The following HSPA12A variants were observed in gnomAD, a reference collection of about 807,000 sequenced individuals.
The protein encoded by HSPA12A is heat shock protein family A (Hsp70) member 12A.
HSPA12A carries 28 observed loss-of-function variants against 69.2 expected under a neutral mutation model. The ratio of observed to expected loss-of-function variants is 0.40; its 90% CI spans 0.30 to 0.55. The LOEUF is 0.55. Among genes scored for constraint, HSPA12A ranks in the 20% least tolerant of loss-of-function variants. The pLI is 0.38. For missense variants in HSPA12A, 686 were observed against 900.7 expected, an observed-to-expected ratio of 0.76 and a Z score of 3.05; for synonymous variants, 345 against 370.5, an observed-to-expected ratio of 0.93 and a Z score of 0.79.
chr10:116,824,452 T>C (rs1485338759), intron 2 of HSPA12A, among the ~76,000 whole-genome samples: 1 of 152,200 alleles, frequency 6.6e-6, no homozygotes, highest in African/African-American at 2.4e-5. Context: ...AACTGGTCCA[T>C]ATCAACATTA....
chr10:116,795,981 C>T (rs1844814723), intron 2 of HSPA12A, among the ~76,000 whole-genome samples: 1 of 149,242 alleles, frequency 6.7e-6, no homozygotes. Context: ...CTCGCCTCTA[C>T]TAAAAATACA....
intron 1 of HSPA12A, among the ~76,000 whole-genome samples, chr10:116,739,866 C>T (rs1291527508): frequency 1.3e-5 from 2 of 152,162 alleles, no homozygotes; most frequent in Non-Finnish European, 2.9e-5. Flanking sequence ...CATTGGCACG[C>T]ACCTCTGCCC....
upstream of HSPA12A, among the ~76,000 whole-genome samples, chr10:116,746,126 T>C (rs116516985): frequency 4.9e-4 from 74 of 152,164 alleles, no homozygotes; most frequent in African/African-American, 1.7e-3. Context: ...TCTCATCCTC[T>C]CCGGGATCCC....
intron 1 of HSPA12A, among the ~76,000 whole-genome samples, chr10:116,845,505 C>T (rs1025360250): frequency 1.3e-5 from 2 of 152,132 alleles, no homozygotes; most frequent in South Asian, 2.1e-4. Context: ...ATGACTAGAT[C>T]CTCTCTCTAA....
At chr10:116,800,376 G>T (rs1294073410) in intron 2 of HSPA12A, among the ~76,000 whole-genome samples, 1 of 152,186 alleles carries the variant, frequency 6.6e-6, no homozygotes, top group African/African-American at 2.4e-5. Flanking sequence ...GTGCCAGCAA[G>T]TCACAGGTGC....
chr10:116,848,501 A>G (rs1469145484), intron 1 of HSPA12A, among the ~76,000 whole-genome samples: 1 of 151,646 alleles, frequency 6.6e-6, no homozygotes, highest in Non-Finnish European at 1.5e-5. Context: ...CAGAGGGGGG[A>G]AAGTGTGGCA....
Position 116,792,378 on chromosome 10 carries a change from A to C in HSPA12A, c.91+42557T>G, listed in dbSNP as rs549602119. ...TCTAGAAGGAAATGAAAGTAGATGA[A>C]GCAGAGGTAATATAAGAAGATATAT... On this transcript the variant is annotated intron_variant, in intron 2 of 12. Coordinates refer to the HSPA12A transcript ENST00000635765. Among the ~76,000 whole-genome samples, 6 of 152,070 alleles carry C rather than the reference A, an allele frequency of 3.9e-5. No individual in the cohort carries two copies. In the South Asian group the frequency reaches 1.2e-3, roughly 32 times the overall value.
intron 1 of HSPA12A, among the ~76,000 whole-genome samples, chr10:116,740,906 C>T (rs868966660): frequency 1.4e-5 from 2 of 145,406 alleles, no homozygotes; most frequent in African/African-American, 5.2e-5. Context: ...AGCAATTCAA[C>T]GCCCCTACTT....
intron 1 of HSPA12A, among the ~76,000 whole-genome samples, chr10:116,737,557 A>T (rs1398577694): frequency 6.6e-6 from 1 of 152,240 alleles, no homozygotes; most frequent in Non-Finnish European, 1.5e-5. Context: ...TGAGATACTT[A>T]GAAGGTGAAA....
intron 1 of HSPA12A, among the ~76,000 whole-genome samples, chr10:116,842,838 C>T (rs1372772700): frequency 6.6e-6 from 1 of 152,174 alleles, no homozygotes; most frequent in Non-Finnish European, 1.5e-5. Flanking sequence ...CCCGATCCAC[C>T]TGCCTCAGCC....
intron 2 of HSPA12A, among the ~76,000 whole-genome samples, chr10:116,822,933 G>A (rs1845431891): frequency 6.6e-6 from 1 of 152,186 alleles, no homozygotes. Context: ...AATAAGGAAG[G>A]CATGGCCTAG....
intron 6 of HSPA12A, among the ~76,000 whole-genome samples, chr10:116,690,562 T>G (rs1215220971): frequency 6.6e-6 from 1 of 152,206 alleles, no homozygotes; most frequent in African/African-American, 2.4e-5. Flanking sequence ...ACAGCATGTC[T>G]CTGGACTTCC....
intron 1 of HSPA12A, among the ~76,000 whole-genome samples, chr10:116,732,350 A>AAGAAAGAAAGAAAGAAAGAG (rs1564800232): frequency 1.3e-5 from 2 of 148,366 alleles, no homozygotes; most frequent in Non-Finnish European, 1.5e-5. Context: ...GAAAGAAAGA[A>AAGAAAGAAAGAAAGAAAGAG]AGAGACAGAG....
At chr10:116,698,878 A>C in intron 4 of HSPA12A, 139 bp from the exon 5 acceptor site, 2 of 651,300 alleles carry the variant, frequency 3.1e-6, no homozygotes, top group Non-Finnish European at 5.5e-6. Flanking sequence ...GAGGCAGACT[A>C]GGATGGCGCA....
At chr10:116,767,438 C>A (rs1275558646) in intron 2 of HSPA12A, among the ~76,000 whole-genome samples, 2 of 152,198 alleles carry the variant, frequency 1.3e-5, no homozygotes, top group Non-Finnish European at 2.9e-5. Context: ...GGTCATCCAC[C>A]CCAGCTGCTG....
Position 116,821,959 on chromosome 10 carries a change from C to A in HSPA12A, c.91+12976G>T, listed in dbSNP as rs568994014. On this transcript the variant is annotated intron_variant, in intron 2 of 12. Coordinates refer to the HSPA12A transcript ENST00000635765. Reference sequence around the variant, plus strand: ...CAGATAATCCAGGCCTAAGAGGAATCCGAATTAAATGAGATAATATGAAAC... The same window carrying A: ...CAGATAATCCAGGCCTAAGAGGAATACGAATTAAATGAGATAATATGAAAC... Among the ~76,000 whole-genome samples the A allele has an allele frequency of 8.7e-4, 133 of 152,338 alleles. 2 individuals carry two copies. In the South Asian group the frequency reaches 0.026, roughly 30 times the overall value.
At chr10:116,744,208 C>CAAAG (rs1340480429), upstream of HSPA12A, among the ~76,000 whole-genome samples, 5 of 152,200 alleles carry the variant, frequency 3.3e-5, no homozygotes, top group Non-Finnish European at 7.3e-5. Context: ...GCTGGTATTT[C>CAAAG]AAAGACATGA....
intron 4 of HSPA12A, 35 bp from the exon 5 acceptor site, chr10:116,698,774 G>A (rs782168607): frequency 1.3e-6 from 2 of 1,517,734 alleles, no homozygotes; most frequent in South Asian, 1.1e-5. Context: ...GTAAGAAGAT[G>A]ACACAGGAGA....
At position 116,671,315 on chromosome 10, in the gene HSPA12A, G is replaced by T. The variant is rs552275192; in HGVS notation, c.*3466C>A. On this transcript the variant is annotated 3_prime_UTR_variant, in exon 12 of 12. Coordinates refer to ENST00000369209, the MANE Select transcript of HSPA12A (RefSeq NM_025015.3). ...TTTGAATTTATCTTGTAGTGAATGAGACCCCAGTAGCTGATATTTTAGAAT... is the reference window on the plus strand; with the variant it reads ...TTTGAATTTATCTTGTAGTGAATGATACCCCAGTAGCTGATATTTTAGAAT... The T allele has an allele frequency of 1.3e-5, 2 of 152,148 alleles. No individual in the cohort carries two copies. Among genetic ancestry groups the T allele is most frequent in the Non-Finnish European group, 2.9e-5 (2 of 68,026 alleles). The allele number at this position is 152,148 out of a possible 1,614,324, so 9.4% of individuals were successfully genotyped here.
Sources: gnomAD v4.1 joint callset for allele counts (sites outside exome capture counted in the v4.1 genomes callset) on GRCh38, gnomAD v4.1.1 for gene constraint, MANE v1.5 for transcripts, NCBI Gene and HGNC (gene_info 2026-07-23, HGNC 2026-07-21) for gene names.